Variants in ACAD10 observed in about 807,000 individuals in gnomAD.
ACAD10 encodes the protein ACAD-10.
ACAD10 carries 112 observed loss-of-function variants against 116.8 expected under a neutral mutation model. That is an observed-to-expected ratio of 0.96 (90% confidence interval 0.82 to 1.12). The LOEUF (loss-of-function observed/expected upper bound fraction) is 1.12, where lower values mean the gene tolerates loss of function less well. Ranked by LOEUF, ACAD10 falls within the 50% of genes most tolerant of loss-of-function variation. ACAD10 has a pLI of 0.00. For missense variants in ACAD10, 1,259 were observed against 1,350.2 expected, an observed-to-expected ratio of 0.93 and a Z score of 1.06; for synonymous variants, 486 against 510.6, an observed-to-expected ratio of 0.95 and a Z score of 0.65.
intron 7 of ACAD10, among the ~76,000 whole-genome samples, chr12:111,718,796 A>G (rs1366666124): frequency 1.3e-5 from 2 of 151,916 alleles, no homozygotes; most frequent in South Asian, 2.1e-4. Context: ...CTTTTCTAAT[A>G]CAAGCATTTA....
chr12:111,749,000 G>T (rs769093564), intron 17 of ACAD10, 173 bp from the exon 18 acceptor site: 26 of 1,609,840 alleles, frequency 1.6e-5, no homozygotes, highest in Non-Finnish European at 2.1e-5. Context: ...TTCATTTTCT[G>T]TGTTTAACAG....
chr12:111,708,383 C>T (rs932569596), intron 4 of ACAD10, among the ~76,000 whole-genome samples: 4 of 152,154 alleles, frequency 2.6e-5, no homozygotes, highest in African/African-American at 9.6e-5. Flanking sequence ...CTGCCACTTC[C>T]ATCTGGTACG....
chr12:111,752,293 G>T (rs892599921), intron 18 of ACAD10, among the ~76,000 whole-genome samples: 5 of 151,898 alleles, frequency 3.3e-5, no homozygotes, highest in African/African-American at 1.2e-4. Flanking sequence ...TGTTGTTGTT[G>T]TTGTTGTTGT....
At chr12:111,711,279 C>T (rs774517767) in intron 5 of ACAD10, among the ~76,000 whole-genome samples, 6 of 152,180 alleles carry the variant, frequency 3.9e-5, no homozygotes, top group South Asian at 2.1e-4. Flanking sequence ...TGGCTCACTG[C>T]AAGCTCCACC....
At chr12:111,704,585 T>C (rs1310982447) in intron 3 of ACAD10, among the ~76,000 whole-genome samples, 1 of 152,220 alleles carries the variant, frequency 6.6e-6, no homozygotes, top group African/African-American at 2.4e-5. Context: ...GTAAAGCTGT[T>C]CTAAAATCTG....
intron 5 of ACAD10, among the ~76,000 whole-genome samples, chr12:111,711,233 T>G (rs763455097): frequency 4.6e-5 from 7 of 152,112 alleles, no homozygotes; most frequent in Non-Finnish European, 1.0e-4. Flanking sequence ...CGGAGTCTCA[T>G]TCTGTCGCCC....
chr12:111,711,747 C>T (rs1479810502), intron 5 of ACAD10, among the ~76,000 whole-genome samples: 2 of 152,048 alleles, frequency 1.3e-5, no homozygotes, highest in East Asian at 1.9e-4. Flanking sequence ...CTCCTGGCCT[C>T]GTGATCCACC....
At position 111,753,842 on chromosome 12, in the gene ACAD10, C is replaced by T. The variant is rs775006150; in HGVS notation, c.2888C>T (p.Ser963Leu). ...ACAGTGCTGGCGGACATCGCGCAGT[C>T]GCGCGTGGAGATTGAGCAGGCACGG... ...QGTVLADIAQ[S>L]RVEIEQARLL... is the part of the protein sequence containing the mutation. The change falls in exon 19 of 21, where the codon TCG (serine) becomes TTG (leucine). Residue 963 changes from serine (S) to leucine (L), a missense_variant. Coordinates refer to ENST00000313698, the MANE Select transcript of ACAD10 (RefSeq NM_025247.6). The T allele has an allele frequency of 9.9e-6, 16 of 1,614,002 alleles. No individual in the cohort carries two copies. Among genetic ancestry groups the T allele is most frequent in the East Asian group, 4.5e-5 (2 of 44,884 alleles).
chr12:111,725,653 G>A (rs1889192804), intron 8 of ACAD10, among the ~76,000 whole-genome samples: 1 of 151,876 alleles, frequency 6.6e-6, no homozygotes. Flanking sequence ...TCCTGCCTTA[G>A]CCTCCCAAGT....
intron 8 of ACAD10, among the ~76,000 whole-genome samples, chr12:111,724,532 C>T (rs1158759970): frequency 2.6e-5 from 4 of 152,218 alleles, no homozygotes; most frequent in Non-Finnish European, 4.4e-5. Flanking sequence ...ACTGAGTGAA[C>T]GAGACTCCAT....
chr12:111,723,791 G>A (rs573013386), intron 8 of ACAD10, among the ~76,000 whole-genome samples: 53 of 151,572 alleles, frequency 3.5e-4, no homozygotes, highest in Non-Finnish European at 5.5e-4. Context: ...CTTCTCAGAT[G>A]GGGCGGCTGC....
intron 5 of ACAD10, chr12:111,710,303 G>A (rs1265120255): frequency 4.4e-6 from 2 of 453,650 alleles, no homozygotes; most frequent in Middle Eastern, 3.3e-4. Context: ...GCCCAAGCTG[G>A]TGTCGAACTC....
intron 8 of ACAD10, among the ~76,000 whole-genome samples, chr12:111,726,102 A>C (rs1889206298): frequency 6.6e-6 from 1 of 151,988 alleles, no homozygotes; most frequent in Non-Finnish European, 1.5e-5. Context: ...GAAAATACAG[A>C]AATTAGCTGG....
rs190926321 is a variant in ACAD10 at position 111,747,124 on chromosome 12, C to G, written c.2332C>G (p.Arg778Gly). ...GTATGGCACCGAAGCGCAGAAGGCT[C>G]GCTGGCTGATTCCTCTGCTGGAGGG... is the stretch of plus-strand genomic sequence containing the variant. ...VRYGTEAQKA[R>G]WLIPLLEGKA... Residue 778 changes from arginine (R) to glycine (G), a missense_variant, in exon 15 of 21, where the codon CGC (arginine) becomes GGC (glycine). By Grantham distance (125) the Arg-to-Gly change is moderately radical (BLOSUM62 -2). Transcript: ENST00000313698. 3 of 1,613,260 alleles carry G rather than the reference C, an allele frequency of 1.9e-6. No homozygotes were observed. In the East Asian group the frequency reaches 6.7e-5, roughly 36 times the overall value.
intron 10 of ACAD10, among the ~76,000 whole-genome samples, 168 bp downstream of exon 10, chr12:111,730,124 T>C (rs527338880): frequency 6.6e-6 from 1 of 152,296 alleles, no homozygotes; most frequent in Admixed American, 6.5e-5. Flanking sequence ...CACTGTGACA[T>C]GTTGAATTGG....
intron 18 of ACAD10, among the ~76,000 whole-genome samples, chr12:111,749,924 G>A (rs1490427374): frequency 6.6e-6 from 1 of 151,436 alleles, no homozygotes; most frequent in Admixed American, 6.6e-5. Flanking sequence ...ACAGGCACGT[G>A]CCACCACGCC....
intron 11 of ACAD10, among the ~76,000 whole-genome samples, chr12:111,736,369 T>G (rs1889564354): frequency 6.6e-6 from 1 of 151,868 alleles, no homozygotes; most frequent in Admixed American, 6.6e-5. Context: ...TTTTGTATTT[T>G]TAGTAGAGAC....
At chr12:111,715,584 A>G (rs1403141255) in intron 6 of ACAD10, 4 of 486,098 alleles carry the variant, frequency 8.2e-6, no homozygotes, top group African/African-American at 3.8e-5. Context: ...TTACTGTGGT[A>G]TAAAATGAAT....
At chr12:111,737,081 T>C in intron 12 of ACAD10, 77 bp downstream of exon 12, 1 of 1,488,068 alleles carries the variant, frequency 6.7e-7, no homozygotes, top group Non-Finnish European at 9.2e-7. Flanking sequence ...GGAAACCCTC[T>C]CAGGGCCACA....
Sources: gnomAD v4.1 joint callset for allele counts (sites outside exome capture counted in the v4.1 genomes callset) on GRCh38, gnomAD v4.1.1 for gene constraint, MANE v1.5 for transcripts, NCBI Gene and HGNC (gene_info 2026-07-23, HGNC 2026-07-21) for gene names.